The following CELF2 variants were observed in gnomAD, a reference collection of about 807,000 sequenced individuals.
CELF2 encodes the protein CUGBP Elav-like family member 2.
In CELF2, 8 loss-of-function variants were observed where a neutral mutation model predicts 62.6. The observed-to-expected ratio is 0.13, with a 90% confidence interval of 0.07 to 0.23. The LOEUF (loss-of-function observed/expected upper bound fraction) is 0.23, where lower values mean the gene tolerates loss of function less well. Among genes scored for constraint, CELF2 ranks in the 10% least tolerant of loss-of-function variants. The pLI is 1.00. For synonymous variants in CELF2, 258 were observed against 250.0 expected (o/e 1.03, Z -0.30); for missense variants, 333 against 671.0 (o/e 0.50, Z 5.56).
chr10:10,628,517 G>T, the CELF2 span, among the ~76,000 whole-genome samples: 1 of 152,108 alleles, frequency 6.6e-6, no homozygotes, highest in East Asian at 1.9e-4. Flanking sequence ...AAACATTAAG[G>T]AGCTTATCTG....
At chr10:10,677,524 T>G in the CELF2 span, among the ~76,000 whole-genome samples, 1 of 152,226 alleles carries the variant, frequency 6.6e-6, no homozygotes, top group African/African-American at 2.4e-5. Flanking sequence ...GCCCCAATAC[T>G]GAATATTGAA....
the CELF2 span, among the ~76,000 whole-genome samples, chr10:10,562,429 A>G: frequency 6.3e-3 from 955 of 152,332 alleles, 9 homozygotes; most frequent in African/African-American, 0.021. Context: ...TGTTGTATCA[A>G]TCTTCCCAAT....
the CELF2 span, among the ~76,000 whole-genome samples, chr10:10,612,526 T>G: frequency 6.6e-6 from 1 of 152,130 alleles, no homozygotes; most frequent in Non-Finnish European, 1.5e-5. Context: ...ACACATTCTG[T>G]ATGGAGGGAA....
chr10:11,081,392 C>G lies in CELF2; in HGVS notation c.74+63229C>G, dbSNP rs1435143881. On this transcript the variant is annotated intron_variant, in intron 1 of 12. Transcript: ENST00000633077. ...TTGAAAACTCAAGTTTAACTAGCAT[C>G]CAAGTTCTCTAAGTCATACCTGGGA... Among the ~76,000 whole-genome samples the G allele has an allele frequency of 2.6e-5, 4 of 152,128 alleles. No individual in the cohort carries two copies. In the East Asian group the frequency reaches 7.7e-4, roughly 29 times the overall value.
the CELF2 span, among the ~76,000 whole-genome samples, chr10:10,747,844 C>G: frequency 1.3e-5 from 2 of 152,154 alleles, no homozygotes; most frequent in African/African-American, 4.8e-5. Flanking sequence ...GTAGCTGGGA[C>G]TACAGGCATG....
the CELF2 span, among the ~76,000 whole-genome samples, chr10:10,596,158 G>A: frequency 1.5e-4 from 23 of 151,892 alleles, no homozygotes; most frequent in Non-Finnish European, 2.8e-4. Flanking sequence ...GATCATTACT[G>A]CTCCATTTTT....
the CELF2 span, among the ~76,000 whole-genome samples, chr10:10,547,876 T>C: frequency 6.6e-6 from 1 of 152,190 alleles, no homozygotes; most frequent in East Asian, 1.9e-4. Flanking sequence ...TCATCCTACC[T>C]TCTGAGAGTG....
At chr10:11,183,039 T>G (rs898266788) in intron 2 of CELF2, among the ~76,000 whole-genome samples, 1 of 152,218 alleles carries the variant, frequency 6.6e-6, no homozygotes, top group East Asian at 1.9e-4. Flanking sequence ...TCTTAACATA[T>G]GTATACACCT....
the CELF2 span, among the ~76,000 whole-genome samples, chr10:10,684,047 A>G: frequency 5.3e-5 from 8 of 152,250 alleles, no homozygotes; most frequent in East Asian, 1.5e-3. Flanking sequence ...ACCTTTAGTT[A>G]TGATTAATAA....
At chr10:10,978,184 T>G (rs1488908204) in intron 2 of CELF2, among the ~76,000 whole-genome samples, 1 of 152,218 alleles carries the variant, frequency 6.6e-6, no homozygotes, top group Non-Finnish European at 1.5e-5. Flanking sequence ...GCAGAATGAC[T>G]GCTCTTCTAG....
chr10:11,065,322 C>T (rs185035250), intron 1 of CELF2, among the ~76,000 whole-genome samples: 24 of 152,222 alleles, frequency 1.6e-4, no homozygotes, highest in Admixed American at 1.0e-3. Context: ...GTGAGATTAT[C>T]ATCTTGTTTC....
At chr10:11,087,877 C>T (rs1399762634) in intron 1 of CELF2, among the ~76,000 whole-genome samples, 3 of 152,286 alleles carry the variant, frequency 2.0e-5, no homozygotes, top group African/African-American at 4.8e-5. Flanking sequence ...GAAGGAGGGC[C>T]GGTCTACTTC....
intron 3 of CELF2, among the ~76,000 whole-genome samples, chr10:11,232,422 C>A (rs571807963): frequency 2.1e-4 from 32 of 152,242 alleles, no homozygotes; most frequent in East Asian, 7.7e-4. Flanking sequence ...CTCCTTCACC[C>A]GTGATCTTGG....
chr10:11,264,603 G>A (rs2081633703), intron 5 of CELF2, among the ~76,000 whole-genome samples: 1 of 152,204 alleles, frequency 6.6e-6, no homozygotes, highest in African/African-American at 2.4e-5. Flanking sequence ...TAATGCCAGG[G>A]ATGATGAAAA....
At chr10:10,708,961 A>G in the CELF2 span, among the ~76,000 whole-genome samples, 1 of 152,182 alleles carries the variant, frequency 6.6e-6, no homozygotes, top group African/African-American at 2.4e-5. Flanking sequence ...TATATAACCT[A>G]CATAAAGGCA....
chr10:10,927,028 C>A (rs1158259435), intron 2 of CELF2: 1 of 152,180 alleles, frequency 6.6e-6, no homozygotes, highest in Non-Finnish European at 1.5e-5. Flanking sequence ...TACTCCTTGC[C>A]AGCTTGACTG....
the CELF2 span, among the ~76,000 whole-genome samples, chr10:10,714,723 A>T: frequency 1.3e-5 from 2 of 152,228 alleles, no homozygotes; most frequent in African/African-American, 4.8e-5. Context: ...AACTTCTCCA[A>T]AATGTAAAAG....
chr10:11,331,905 T>C lies in CELF2; in HGVS notation c.*2852T>C, dbSNP rs45523337. The stretch of plus-strand genomic sequence containing the variant: ...ACTTTTTATACTGTCATGATTTGAG[T>C]TTGTTTTGGGGTGTTTCCAATTTGG... On this transcript the variant is annotated 3_prime_UTR_variant, in exon 13 of 13. Transcript: ENST00000633077. The C allele has an allele frequency of 1.7e-3, 267 of 152,624 alleles. 1 individual carries two copies. Among genetic ancestry groups the C allele is most frequent in the Middle Eastern group, 3.4e-3 (1 of 294 alleles). 9.5% of individuals were successfully genotyped at this position (152,624 alleles called of 1,614,324 possible). A position where few individuals can be genotyped will look rare whatever the true frequency, so the allele number is the denominator to read the frequency against.
At chr10:10,540,525 G>A in the CELF2 span, among the ~76,000 whole-genome samples, 1 of 152,168 alleles carries the variant, frequency 6.6e-6, no homozygotes, top group Admixed American at 6.5e-5. Flanking sequence ...AGCTCCAGGA[G>A]ACCTAGCTCC....
Sources: gnomAD v4.1 joint callset for allele counts (sites outside exome capture counted in the v4.1 genomes callset) on GRCh38, gnomAD v4.1.1 for gene constraint, MANE v1.5 for transcripts, NCBI Gene and HGNC (gene_info 2026-07-23, HGNC 2026-07-21) for gene names.